Variants in CFH observed in about 807,000 individuals in gnomAD.
CFH encodes the protein H factor 1 (complement).
In CFH, 53 loss-of-function variants were observed where a neutral mutation model predicts 147.3. The observed-to-expected ratio is 0.36, with a 90% CI of 0.29 to 0.45. The LOEUF is 0.45. CFH is among the 20% of genes least tolerant of loss of function. The pLI is 1.00. For synonymous variants in CFH, 536 were observed against 489.4 expected (o/e 1.10, Z -1.26); for missense variants, 1,380 against 1,498.0 (o/e 0.92, Z 1.30).
chr1:196,735,890 T>C (rs1226030944), intron 15 of CFH, among the ~76,000 whole-genome samples: 1 of 152,044 alleles, frequency 6.6e-6, no homozygotes, highest in Non-Finnish European at 1.5e-5. Flanking sequence ...TCTCCCTGAA[T>C]TGATAACAAA....
At chr1:196,679,819 CT>C in intron 6 of CFH, 26 bp downstream of exon 6, 1 of 1,592,238 alleles carries the variant, frequency 6.3e-7, no homozygotes, top group Non-Finnish European at 8.6e-7. Context: ...TTTTCTGGAT[CT>C]TTATAAATTT....
At chr1:196,693,955 GGTGT>G (rs71567586) in intron 9 of CFH, among the ~76,000 whole-genome samples, 2,770 of 142,734 alleles carry the variant, frequency 0.019, 65 homozygotes, top group African/African-American at 0.056. Context: ...TTAGATAAAT[GGTGT>G]GTGTGTGTGT....
chr1:196,689,729 A>G, intron 8 of CFH, 115 bp downstream of exon 8: 2 of 1,188,740 alleles, frequency 1.7e-6, no homozygotes, highest in South Asian at 2.6e-5. Context: ...CCAAGAAAAG[A>G]GTTGTTCAAG....
At chr1:196,686,452 C>A (rs576764198) in intron 7 of CFH, among the ~76,000 whole-genome samples, 1 of 152,222 alleles carries the variant, frequency 6.6e-6, no homozygotes, top group East Asian at 1.9e-4. Context: ...TATTTTATTT[C>A]TGGGATGCTC....
intron 9 of CFH, among the ~76,000 whole-genome samples, chr1:196,692,746 TTTTCTTTCTTTCTTTCTTTC>T (rs765086697): frequency 0.034 from 1,417 of 41,600 alleles, 36 homozygotes; most frequent in African/African-American, 0.046. Flanking sequence ...CTTCCTTTCT[TTTTCTTTCTTTCTTTCTTTC>T]TTTCTTTCTT....
intron 9 of CFH, among the ~76,000 whole-genome samples, chr1:196,698,010 G>T (rs1313382912): frequency 2.4e-5 from 3 of 123,962 alleles, no homozygotes; most frequent in Non-Finnish European, 3.3e-5. Flanking sequence ...GTTGTGGGGT[G>T]GGGGGAGGGG....
chr1:196,741,604 A>C (rs1047726318), intron 18 of CFH: 32 of 411,566 alleles, frequency 7.8e-5, no homozygotes, highest in African/African-American at 6.6e-4. Context: ...GGACAAAAAT[A>C]ATGTGAACAA....
In CFH at chr1:196,690,178, G is replaced by A. The variant is rs545227407; in HGVS notation, c.1275G>A (p.Ala425=). ...ATCCTGGCTACGCTCTTCCAAAAGC[G>A]CAGACCACAGTTACATGTATGGAGA... is the stretch of plus-strand genomic sequence containing the variant. ...ACHPGYALPK[A]QTTVTCMENG... Residue 425 remains alanine (A), a synonymous_variant, in exon 9 of 22, where the codon GCG becomes GCA. Transcript: ENST00000367429. 4.3e-5 allele frequency: 70 copies of A among 1,613,360 alleles called. 1 individual carries two copies. The East Asian group carries it at 6.7e-4, about 15-fold the overall frequency.
Position 196,679,810 on chromosome 1 carries a change from T to A in CFH, c.790+17T>A, listed in dbSNP as rs760212672. ...CATGTGAAGGTAATGTTACCTTTAT[T>A]TTCTGGATCTTTATAAATTTATCAC... On this transcript the variant is annotated intron_variant, in intron 6 of 21. Coordinates refer to ENST00000367429, the MANE Select transcript of CFH (RefSeq NM_000186.4). 88 of 1,599,116 alleles carry A rather than the reference T, an allele frequency of 5.5e-5. No homozygotes were observed. The highest frequency in any genetic ancestry group is 7.1e-5 in the Non-Finnish European group (83 of 1,169,458).
At chr1:196,679,492 C>A in intron 5 of CFH, 131 bp from the exon 6 acceptor site, 1 of 645,162 alleles carries the variant, frequency 1.5e-6, no homozygotes, top group South Asian at 2.0e-5. Context: ...GCGGTCAAGT[C>A]AAAACAGAAC....
At position 196,737,602 on chromosome 1, in the gene CFH, T is replaced by C. The variant is rs1182533381; in HGVS notation, c.2724T>C (p.Ser908=). Residue 908 remains serine (S), a synonymous_variant, in exon 17 of 22, where the codon TCT becomes TCC. Transcript: ENST00000367429. Reference sequence around the variant, plus strand: ...CTTGTGAGGGTGGTTTCAGGATATCTGAAGAAAATGAAACAACATGCTACA... The same window carrying C: ...CTTGTGAGGGTGGTTTCAGGATATCCGAAGAAAATGAAACAACATGCTACA... The part of the protein sequence containing the change: ...SYTCEGGFRI[S]EENETTCYMG... The C allele has an allele frequency of 1.2e-6, 2 of 1,613,324 alleles. No individual in the cohort carries two copies. Among genetic ancestry groups the C allele is most frequent in the African/African-American group, 1.3e-5 (1 of 74,884 alleles).
intron 1 of CFH, among the ~76,000 whole-genome samples, chr1:196,658,905 G>C (rs1329872395): frequency 6.6e-6 from 1 of 152,080 alleles, no homozygotes; most frequent in Admixed American, 6.5e-5. Flanking sequence ...AAAGCCAAAT[G>C]AATTAAAGCT....
intron 8 of CFH, 105 bp from the exon 9 acceptor site, chr1:196,689,958 T>C (rs1028001908): frequency 1.2e-5 from 15 of 1,267,624 alleles, no homozygotes; most frequent in Non-Finnish European, 1.6e-5. Flanking sequence ...TTTGGATGTT[T>C]ATGCAATCTT....
chr1:196,659,720 C>T (rs943812918), intron 1 of CFH, among the ~76,000 whole-genome samples: 1 of 152,114 alleles, frequency 6.6e-6, no homozygotes, highest in Admixed American at 6.5e-5. Context: ...ACTGTCATAG[C>T]ACACTGGTCT....
intron 9 of CFH, among the ~76,000 whole-genome samples, chr1:196,694,970 T>A (rs955128871): frequency 5.3e-5 from 8 of 152,216 alleles, no homozygotes; most frequent in Non-Finnish European, 4.4e-5. Flanking sequence ...TTCACTCTGA[T>A]GATAGTTTCT....
intron 11 of CFH, among the ~76,000 whole-genome samples, chr1:196,721,909 AC>A (rs1669008869): frequency 6.6e-6 from 1 of 151,432 alleles, no homozygotes; most frequent in Admixed American, 6.6e-5. Flanking sequence ...CTGTCTCCAT[AC>A]CTTTACCATG....
chr1:196,704,960 C>G (rs1668550993), intron 9 of CFH, among the ~76,000 whole-genome samples: 1 of 152,138 alleles, frequency 6.6e-6, no homozygotes, highest in Non-Finnish European at 1.5e-5. Flanking sequence ...CCCCTGAGTC[C>G]AGAGTCCCAT....
chr1:196,725,820 A>G (rs771189533), intron 12 of CFH, among the ~76,000 whole-genome samples: 29 of 152,212 alleles, frequency 1.9e-4, no homozygotes, highest in Non-Finnish European at 2.9e-5. Context: ...GAGAGGGGGC[A>G]TTCATCTGTT....
intron 20 of CFH, among the ~76,000 whole-genome samples, chr1:196,744,985 C>G (rs1435207807): frequency 6.6e-6 from 1 of 152,100 alleles, no homozygotes. Flanking sequence ...GTTGACAGTT[C>G]TTTGAACACT....
Sources: gnomAD v4.1 joint callset for allele counts (sites outside exome capture counted in the v4.1 genomes callset) on GRCh38, gnomAD v4.1.1 for gene constraint, MANE v1.5 for transcripts, NCBI Gene and HGNC (gene_info 2026-07-23, HGNC 2026-07-21) for gene names.